ADAMTSL1: variants seen among roughly 807,000 people sequenced by gnomAD.
ADAMTSL1 encodes the protein ADAMTS-like protein 1.
Under a neutral mutation model 201.8 loss-of-function variants are expected in ADAMTSL1, and 126 were observed. That is an observed-to-expected ratio of 0.62 (90% confidence interval 0.54 to 0.72). The LOEUF (loss-of-function observed/expected upper bound fraction) is 0.72. Among genes scored for constraint, ADAMTSL1 ranks in the 30% least tolerant of loss-of-function variants. ADAMTSL1 has a pLI of 0.00. For missense variants in ADAMTSL1, 2,679 were observed against 2,277.8 expected (o/e 1.18, Z -3.59); for synonymous variants, 1,121 against 903.4 (o/e 1.24, Z -4.32).
At chr9:18,479,494 C>T (rs1732172088) in intron 1 of ADAMTSL1, among the ~76,000 whole-genome samples, 1 of 152,140 alleles carries the variant, frequency 6.6e-6, no homozygotes, top group African/African-American at 2.4e-5. Context: ...TAGCCCCATC[C>T]CAAATTCTAC....
chr9:17,991,564 T>A (rs371051824), intron 1 of ADAMTSL1, among the ~76,000 whole-genome samples: 50 of 152,186 alleles, frequency 3.3e-4, no homozygotes, highest in African/African-American at 1.2e-3. Context: ...TTGGTATAGT[T>A]CAAGTCTTTC....
chr9:18,385,356 G>T (rs1211908965), intron 2 of ADAMTSL1, among the ~76,000 whole-genome samples: 1 of 152,068 alleles, frequency 6.6e-6, no homozygotes, highest in African/African-American at 2.4e-5. Flanking sequence ...GAGGGTAGGG[G>T]TGGTGTTACT....
chr9:18,828,582 G>C (rs1041934885), intron 22 of ADAMTSL1, among the ~76,000 whole-genome samples: 5 of 148,164 alleles, frequency 3.4e-5, no homozygotes, highest in Non-Finnish European at 7.4e-5. Context: ...CAGAGGCATG[G>C]CTCAAACTGA....
intron 16 of ADAMTSL1, among the ~76,000 whole-genome samples, chr9:18,768,555 T>C (rs1377078372): frequency 6.8e-6 from 1 of 147,126 alleles, no homozygotes; most frequent in Non-Finnish European, 1.5e-5. Context: ...GGGTAGGTAG[T>C]TGATCCCAGC....
At chr9:18,549,620 G>A (rs1047652955) in intron 3 of ADAMTSL1, among the ~76,000 whole-genome samples, 2 of 151,976 alleles carry the variant, frequency 1.3e-5, no homozygotes, top group African/African-American at 4.8e-5. Flanking sequence ...TTTTCCTAAT[G>A]AGTGTCTGGG....
intron 1 of ADAMTSL1, among the ~76,000 whole-genome samples, chr9:18,499,933 G>GA (rs1299667838): frequency 6.6e-6 from 1 of 151,884 alleles, no homozygotes; most frequent in Non-Finnish European, 1.5e-5. Flanking sequence ...TTAACATTTG[G>GA]AAAAAATATT....
At chr9:17,993,392 G>C (rs1819242599) in intron 1 of ADAMTSL1, among the ~76,000 whole-genome samples, 1 of 152,160 alleles carries the variant, frequency 6.6e-6, no homozygotes, top group South Asian at 2.1e-4. Flanking sequence ...CTATACTGGT[G>C]AAAGTCATGG....
At chr9:18,728,626 G>A (rs757370910) in intron 15 of ADAMTSL1, among the ~76,000 whole-genome samples, 4 of 152,200 alleles carry the variant, frequency 2.6e-5, no homozygotes, top group Non-Finnish European at 5.9e-5. Flanking sequence ...CATGGAGTTC[G>A]GTGGAAGCTT....
intron 2 of ADAMTSL1, among the ~76,000 whole-genome samples, chr9:18,253,694 G>C (rs1479496468): frequency 2.6e-5 from 4 of 152,140 alleles, no homozygotes; most frequent in Admixed American, 6.5e-5. Context: ...CTTGTTTCTA[G>C]CTGGAACTGC....
intron 2 of ADAMTSL1, among the ~76,000 whole-genome samples, chr9:18,235,697 A>G (rs760748032): frequency 2.6e-5 from 4 of 152,200 alleles, no homozygotes; most frequent in Admixed American, 6.5e-5. Context: ...GCCCACAGTT[A>G]CACAGCTTTT....
At chr9:18,259,743 G>A (rs749405614) in intron 2 of ADAMTSL1, among the ~76,000 whole-genome samples, 5 of 152,066 alleles carry the variant, frequency 3.3e-5, no homozygotes, top group African/African-American at 7.3e-5. Flanking sequence ...CGCCTAATGC[G>A]CTTGTAAGAT....
chr9:18,834,999 T>C (rs1465861778), intron 23 of ADAMTSL1, among the ~76,000 whole-genome samples: 1 of 152,170 alleles, frequency 6.6e-6, no homozygotes, highest in Non-Finnish European at 1.5e-5. Context: ...TGAAATGACT[T>C]GCTCGAATCA....
intron 1 of ADAMTSL1, among the ~76,000 whole-genome samples, chr9:18,037,405 C>T (rs1213134522): frequency 1.3e-5 from 2 of 152,166 alleles, no homozygotes; most frequent in Admixed American, 6.5e-5. Flanking sequence ...AAACATCAGT[C>T]TGGAGGTAGA....
intron 2 of ADAMTSL1, among the ~76,000 whole-genome samples, chr9:18,364,815 A>G (rs1586978995): frequency 6.6e-6 from 1 of 152,134 alleles, no homozygotes; most frequent in African/African-American, 2.4e-5. Flanking sequence ...CAGGTCACAC[A>G]TGGCTGGAGC....
chr9:18,095,416 C>CCTTTTTTT (rs1371286278), intron 1 of ADAMTSL1, among the ~76,000 whole-genome samples: 2 of 100,128 alleles, frequency 2.0e-5, no homozygotes, highest in Non-Finnish European at 4.0e-5. Flanking sequence ...TTCTTTCTTT[C>CCTTTTTTT]TTTTTTTTTT....
At chr9:18,617,448 T>A (rs1454862973) in intron 4 of ADAMTSL1, among the ~76,000 whole-genome samples, 1 of 148,022 alleles carries the variant, frequency 6.8e-6, no homozygotes, top group East Asian at 2.1e-4. Flanking sequence ...ATACTAAGTC[T>A]CTGAGCCAAC....
At chr9:18,235,214 C>A (rs538495484) in intron 2 of ADAMTSL1, among the ~76,000 whole-genome samples, 1 of 152,254 alleles carries the variant, frequency 6.6e-6, no homozygotes, top group East Asian at 1.9e-4. Context: ...ATGACCTTAA[C>A]GATTTGGGAA....
At chr9:18,326,495 T>A (rs890344746) in intron 2 of ADAMTSL1, among the ~76,000 whole-genome samples, 2 of 152,182 alleles carry the variant, frequency 1.3e-5, no homozygotes, top group Non-Finnish European at 2.9e-5. Context: ...ATACATTTTT[T>A]AAAAAATAGG....
chr9:18,529,126 A>G (rs952759617), intron 2 of ADAMTSL1, among the ~76,000 whole-genome samples: 2 of 152,220 alleles, frequency 1.3e-5, no homozygotes, highest in Non-Finnish European at 2.9e-5. Flanking sequence ...TGAAATTTAT[A>G]TTCAAATTTC....
Sources: gnomAD v4.1 joint callset for allele counts (sites outside exome capture counted in the v4.1 genomes callset) on GRCh38, gnomAD v4.1.1 for gene constraint, MANE v1.5 for transcripts, NCBI Gene and HGNC (gene_info 2026-07-23, HGNC 2026-07-21) for gene names.